GABRA3: variants seen among roughly 807,000 people sequenced by gnomAD.
The protein encoded by GABRA3 is gamma-aminobutyric acid receptor subunit alpha-3.
A neutral mutation model predicts 30.1 loss-of-function variants in GABRA3; 10 were observed. The observed-to-expected ratio is 0.33, with a 90% CI of 0.20 to 0.56. The LOEUF (loss-of-function observed/expected upper bound fraction) is 0.56, where lower values mean the gene tolerates loss of function less well. GABRA3 is among the 20% of genes least tolerant of loss of function. The pLI, the probability that GABRA3 is intolerant of heterozygous loss-of-function variation, is 0.89. For missense variants in GABRA3, 233 were observed against 392.0 expected (o/e 0.59, Z 3.42); for synonymous variants, 151 against 146.8 (o/e 1.03, Z -0.21).
chrX:152,340,758 T>C (rs1430254212), intron 3 of GABRA3, among the ~76,000 whole-genome samples: 1 of 112,021 alleles, frequency 8.9e-6, no homozygotes, highest in Non-Finnish European at 1.9e-5. Flanking sequence ...CTTTTTATCA[T>C]TGGTTCTAAG....
intron 1 of GABRA3, among the ~76,000 whole-genome samples, chrX:152,369,118 T>C (rs1381298560): frequency 9.0e-6 from 1 of 111,607 alleles, no homozygotes; most frequent in Non-Finnish European, 1.9e-5. Flanking sequence ...CTCTCTAACA[T>C]GATTGGTCTT....
At chrX:152,169,010 A>C (rs1936971093) in intron 9 of GABRA3, among the ~76,000 whole-genome samples, 1 of 112,157 alleles carries the variant, frequency 8.9e-6, no homozygotes, top group Non-Finnish European at 1.9e-5. Flanking sequence ...CTCCCATTTG[A>C]CAGATGAGAA....
At chrX:152,293,784 T>TA (rs1472017451) in intron 3 of GABRA3, among the ~76,000 whole-genome samples, 1 of 111,523 alleles carries the variant, frequency 9.0e-6, no homozygotes, top group Non-Finnish European at 1.9e-5. Flanking sequence ...TTTCCATGTT[T>TA]AGTGCTTCCT....
intron 4 of GABRA3, among the ~76,000 whole-genome samples, chrX:152,280,952 C>A (rs1283563150): frequency 9.0e-6 from 1 of 111,095 alleles, no homozygotes; most frequent in Admixed American, 9.7e-5. Flanking sequence ...ATAGTTCAGA[C>A]AAATACTTGT....
intron 6 of GABRA3, among the ~76,000 whole-genome samples, chrX:152,219,437 A>C (rs941651671): frequency 1.8e-5 from 2 of 111,651 alleles, no homozygotes; most frequent in African/African-American, 6.5e-5. Context: ...TATTTTTCTG[A>C]ATATCAAATC....
intron 1 of GABRA3, among the ~76,000 whole-genome samples, chrX:152,447,009 T>C (rs1931104685): frequency 8.9e-6 from 1 of 111,902 alleles, no homozygotes; most frequent in African/African-American, 3.2e-5. Context: ...TCAAAGCTCA[T>C]TTCAAATGCC....
At chrX:152,216,389 A>AACACACACACACACACACAC in intron 6 of GABRA3, among the ~76,000 whole-genome samples, 1 of 77,618 alleles carries the variant, frequency 1.3e-5, no homozygotes, top group East Asian at 4.0e-4. Context: ...ATAATATATA[A>AACACACACACACACACACAC]ACACACACAC....
intron 6 of GABRA3, among the ~76,000 whole-genome samples, chrX:152,215,603 G>T (rs1835765282): frequency 9.0e-6 from 1 of 111,248 alleles, no homozygotes; most frequent in East Asian, 2.8e-4. Flanking sequence ...AATCAAAATG[G>T]ATTAATGACT....
At chrX:152,442,352 TTC>T (rs1385973123) in intron 1 of GABRA3, among the ~76,000 whole-genome samples, 1 of 110,952 alleles carries the variant, frequency 9.0e-6, no homozygotes, top group Non-Finnish European at 1.9e-5. Flanking sequence ...TTTTGAAAGA[TTC>T]TCTGAGTTTC....
intron 9 of GABRA3, among the ~76,000 whole-genome samples, chrX:152,185,200 G>A (rs1449561028): frequency 1.8e-5 from 2 of 110,550 alleles, no homozygotes; most frequent in Non-Finnish European, 3.8e-5. Flanking sequence ...TAGTTGCTCC[G>A]TATTGTAGCG....
At chrX:152,220,063 T>C (rs1157812298) in intron 6 of GABRA3, among the ~76,000 whole-genome samples, 1 of 111,836 alleles carries the variant, frequency 8.9e-6, no homozygotes, top group Non-Finnish European at 1.9e-5. Flanking sequence ...CTAAAGTTAC[T>C]ATTAATATTT....
chrX:152,386,176 C>CA (rs1569414444), intron 1 of GABRA3, among the ~76,000 whole-genome samples: 2 of 107,464 alleles, frequency 1.9e-5, no homozygotes, highest in Admixed American at 2.0e-4. Context: ...CTATAAATTA[C>CA]CTTGGGCAGT....
At chrX:152,299,944 T>C (rs761222846) in intron 3 of GABRA3, among the ~76,000 whole-genome samples, 6 of 112,162 alleles carry the variant, frequency 5.3e-5, no homozygotes, top group Admixed American at 1.9e-4. Flanking sequence ...CTCACTGGTC[T>C]TACCACAAAG....
intron 1 of GABRA3, among the ~76,000 whole-genome samples, chrX:152,388,524 T>C (rs911977594): frequency 8.9e-6 from 1 of 112,095 alleles, no homozygotes; most frequent in Non-Finnish European, 1.9e-5. Context: ...ACAACCACTG[T>C]TTATGAGAAG....
chrX:152,388,975 T>C (rs984645633), intron 1 of GABRA3, among the ~76,000 whole-genome samples: 1 of 112,069 alleles, frequency 8.9e-6, no homozygotes, highest in Non-Finnish European at 1.9e-5. Context: ...GAGCTAACCA[T>C]CTAGGGCTTA....
chrX:152,400,780 G>A (rs926565474), intron 1 of GABRA3, among the ~76,000 whole-genome samples: 9 of 111,367 alleles, frequency 8.1e-5, no homozygotes, highest in African/African-American at 2.9e-4. Flanking sequence ...AGAGAGATGG[G>A]GCAGAGGAAG....
rs1938977938 is a variant in GABRA3, at chrX:152,273,097, A to G, written c.330+11571T>C. On this transcript the variant is annotated intron_variant, in intron 4 of 9. Coordinates refer to ENST00000370314, the MANE Select transcript of GABRA3 (RefSeq NM_000808.4). ...AAACAACTCAATAGAAAATATAAATAAATAAATAATCCTGTTTTAAAATGG... is the reference window on the plus strand; with the variant it reads ...AAACAACTCAATAGAAAATATAAATGAATAAATAATCCTGTTTTAAAATGG... 8.9e-5 allele frequency among the ~76,000 whole-genome samples: 10 copies of G among 112,245 alleles called. No individual in the cohort carries two copies. The South Asian group carries it at 3.7e-3, about 41-fold the overall frequency.
At chrX:152,381,687 A>G (rs1427439115) in intron 1 of GABRA3, among the ~76,000 whole-genome samples, 1 of 109,495 alleles carries the variant, frequency 9.1e-6, no homozygotes, top group Admixed American at 9.8e-5. Context: ...TCCTAACACT[A>G]TCCCTCCCCT....
chrX:152,179,086 A>C (rs1015582526), intron 9 of GABRA3, among the ~76,000 whole-genome samples: 36 of 111,808 alleles, frequency 3.2e-4, no homozygotes, highest in African/African-American at 7.1e-4. Flanking sequence ...TGCAAACTGG[A>C]CTGGTTCCTT....
Sources: allele counts gnomAD v4.1 joint callset (sites outside exome capture counted in the v4.1 genomes callset), GRCh38; gene constraint gnomAD v4.1.1; transcripts MANE v1.5; gene names NCBI Gene and HGNC (gene_info 2026-07-23, HGNC 2026-07-21).